The following MRPS22 variants were observed in gnomAD, a reference collection of about 807,000 sequenced individuals.
MRPS22 encodes the protein small ribosomal subunit protein mS22.
In MRPS22, 30 loss-of-function variants were observed where a neutral mutation model predicts 44.0. That is an observed-to-expected ratio of 0.68 (90% CI 0.51 to 0.93). The LOEUF (loss-of-function observed/expected upper bound fraction) is 0.93. Ranked by LOEUF, MRPS22 falls within the 40% of genes least tolerant of loss-of-function variation. The probability of loss-of-function intolerance (pLI) is 0.00; values close to 1 mark genes in which losing one functional copy is unlikely to be tolerated. For missense variants in MRPS22, 447 were observed against 447.8 expected (o/e 1.00, Z 0.02); for synonymous variants, 165 against 154.4 (o/e 1.07, Z -0.51).
rs1332055259 is a variant in MRPS22 at position 139,350,764 on chromosome 3, C to A, written c.649-213C>A. On this transcript the variant is annotated intron_variant, in intron 4 of 7. Transcript: ENST00000680020. ...TTCTTTCTTAATAGAATCCTCCTTA[C>A]CACCCAAGATGGGTTGTACTAGGGT... is the stretch of plus-strand genomic sequence containing the variant. 5.1e-6 allele frequency: 3 copies of A among 583,858 alleles called. No homozygotes were observed. In the Admixed American group the frequency reaches 8.1e-5, roughly 16 times the overall value. 36.2% of individuals were successfully genotyped at this position (583,858 alleles called of 1,614,324 possible). A position where few individuals can be genotyped will look rare whatever the true frequency, so the allele number is the denominator to read the frequency against.
rs753397253 is a variant in MRPS22 at position 139,348,342 on chromosome 3, CG to C, written c.504+19del. 2.5e-6 allele frequency: 4 copies of C among 1,611,058 alleles called. No individual in the cohort carries two copies. In the African/African-American group the frequency reaches 5.3e-5, roughly 22 times the overall value. ...CACACCGGGTGAGTATATGTCTAAT[CG>C]CAAAATGATCTTTCTTTGAAATACT... is the stretch of plus-strand genomic sequence containing the variant. On this transcript the variant is annotated intron_variant, in intron 3 of 7. Coordinates refer to ENST00000680020, the MANE Select transcript of MRPS22 (RefSeq NM_020191.4).
rs767431419 is a variant in MRPS22 at position 139,352,791 on chromosome 3, T to C, written c.877T>C (p.Leu293=). 119 of 1,612,882 alleles carry C rather than the reference T, an allele frequency of 7.4e-5. No homozygotes were observed. Among genetic ancestry groups the C allele is most frequent in the Non-Finnish European group, 9.8e-5 (115 of 1,179,340 alleles). The change falls in exon 6 of 8, where the codon TTA becomes CTA. Residue 293 remains leucine, a splice_region_variant and synonymous_variant. Coordinates refer to ENST00000680020, the MANE Select transcript of MRPS22 (RefSeq NM_020191.4). ...GCTGATTGACCAGATTCAGAGAGAT[T>C]TGTAAGTATGATCTTAGTAAGTGAA... is the stretch of plus-strand genomic sequence containing the variant. ...GLLIDQIQRD[L]IDDATNLVQL... is the part of the protein sequence containing the mutation.
intron 5 of MRPS22, 137 bp downstream of exon 5, chr3:139,351,197 A>G (rs968303544): frequency 2.5e-5 from 17 of 691,702 alleles, no homozygotes; most frequent in Non-Finnish European, 4.2e-5. Flanking sequence ...TATTGAGTAC[A>G]GTTGTGTGCC....
intron 1 of MRPS22, among the ~76,000 whole-genome samples, chr3:139,345,964 G>C (rs1941032711): frequency 6.6e-6 from 1 of 152,178 alleles, no homozygotes. Context: ...AGAATCTGTA[G>C]GGATACCAAC....
chr3:139,354,880 G>A (rs942334244), intron 6 of MRPS22, among the ~76,000 whole-genome samples: 2 of 152,290 alleles, frequency 1.3e-5, no homozygotes, highest in Non-Finnish European at 2.9e-5. Flanking sequence ...GCCCTCCAGC[G>A]ATGAGATGGC....
At chr3:139,352,411 G>A in intron 5 of MRPS22, 1 of 453,990 alleles carries the variant, frequency 2.2e-6, no homozygotes, top group Non-Finnish European at 4.1e-6. Flanking sequence ...TGGGATTATA[G>A]GCATGAGCCA....
Position 139,350,201 on chromosome 3 carries a change from A to T in MRPS22, c.527A>T (p.Glu176Val). The change falls in exon 4 of 8, where the codon GAA (glutamate) becomes GTA (valine). Residue 176 changes from glutamate (E) to valine (V), a missense_variant. By Grantham distance (121) the Glu-to-Val change is moderately radical. Transcript: ENST00000680020. ...PHRERFIVVR[E>V]PSGTLRKASW... ...TAGGAGCGTTTTATTGTCGTCAGAG[A>T]ACCAAGTGGCACACTACGCAAAGCC... The T allele has an allele frequency of 1.2e-6, 2 of 1,614,198 alleles. No homozygotes were observed. Among genetic ancestry groups the T allele is most frequent in the Non-Finnish European group, 1.7e-6 (2 of 1,180,018 alleles).
Position 139,344,074 on chromosome 3 carries a change from T to C in MRPS22, c.48T>C (p.Ser16=), listed in dbSNP as rs1940987662. The part of the protein sequence containing the change: ...TTVLLWSLLR[S]SPGVERVCFR... Reference sequence around the variant, plus strand: ...TATTGCTGTGGAGCCTCTTGAGGAGTTCTCCGGGCGTGGAACGGGTCTGTT... The same window carrying C: ...TATTGCTGTGGAGCCTCTTGAGGAGCTCTCCGGGCGTGGAACGGGTCTGTT... The change falls in exon 1 of 8, where the codon AGT becomes AGC. Residue 16 remains serine, a synonymous_variant. Coordinates refer to ENST00000680020, the MANE Select transcript of MRPS22 (RefSeq NM_020191.4). The C allele has an allele frequency of 6.2e-7, 1 of 1,614,014 alleles. No homozygotes were observed. The highest frequency in any genetic ancestry group is 8.5e-7 in the Non-Finnish European group (1 of 1,180,006).
intron 6 of MRPS22, among the ~76,000 whole-genome samples, chr3:139,354,026 A>G (rs949367783): frequency 1.3e-5 from 2 of 152,230 alleles, no homozygotes; most frequent in African/African-American, 2.4e-5. Context: ...TTACATCTGA[A>G]GCAATTCATG....
intron 6 of MRPS22, among the ~76,000 whole-genome samples, chr3:139,355,177 A>G (rs553749275): frequency 1.3e-3 from 191 of 152,170 alleles, no homozygotes; most frequent in Middle Eastern, 6.8e-3. Flanking sequence ...TTTCCTTGGA[A>G]TCTTAGGGGG....
chr3:139,345,904 A>G lies in MRPS22; in HGVS notation c.173-974A>G, dbSNP rs1240846946. ...AAGGTAATTGAAGTCGTGGCAGGAT[A>G]GGAGAAATCATCGAGTAAGAATCTG... On this transcript the variant is annotated intron_variant, in intron 1 of 7. Transcript: ENST00000680020. Among the ~76,000 whole-genome samples, 4 of 152,226 alleles carry G rather than the reference A, an allele frequency of 2.6e-5. No individual in the cohort carries two copies. The South Asian group carries it at 6.2e-4, about 24-fold the overall frequency.
Position 139,356,978 on chromosome 3 carries a change from T to C in MRPS22, c.1047T>C (p.Tyr349=), listed in dbSNP as rs751069177. 1.1e-5 allele frequency: 17 copies of C among 1,613,062 alleles called. No individual in the cohort carries two copies. The highest frequency in any genetic ancestry group is 8.8e-5 in the South Asian group (8 of 90,742). ...GAYIELTLQT[Y]QEALSRHSAA... is the part of the protein sequence containing the mutation. Reference sequence around the variant, plus strand: ...ATATAGAACTAACACTGCAGACTTATCAAGAAGCACTCAGTCGCCATTCTG... The same window carrying C: ...ATATAGAACTAACACTGCAGACTTACCAAGAAGCACTCAGTCGCCATTCTG... The change falls in exon 8 of 8, where the codon TAT becomes TAC. Residue 349 remains tyrosine, a synonymous_variant. Transcript: ENST00000680020.
intron 5 of MRPS22, 111 bp downstream of exon 5, chr3:139,351,171 GAAATACCTGA>G (rs1187129961): frequency 1.3e-6 from 1 of 782,458 alleles, no homozygotes; most frequent in Non-Finnish European, 2.2e-6. Context: ...AAAGGGAAGA[GAAATACCTGA>G]AAATCTATTG....
intron 3 of MRPS22, among the ~76,000 whole-genome samples, chr3:139,348,764 G>A (rs1461725453): frequency 6.6e-6 from 1 of 152,160 alleles, no homozygotes; most frequent in Middle Eastern, 3.2e-3. Context: ...CATCATAAAG[G>A]ATTTTCGCTT....
At chr3:139,350,508 A>T (rs1194319322) in intron 4 of MRPS22, 186 bp downstream of exon 4, 3 of 601,602 alleles carry the variant, frequency 5.0e-6, no homozygotes, top group African/African-American at 3.7e-5. Flanking sequence ...GCTCACTGCA[A>T]CCTCCACCTT....
chr3:139,350,337 G>C lies in MRPS22; in HGVS notation c.648+15G>C. On this transcript the variant is annotated intron_variant, in intron 4 of 7. Transcript: ENST00000680020. ...AAAATCTTAGGGTAAGGTGACTTAG[G>C]TTTTATGTTTTAGAGCCAGTGGTGA... 6.2e-7 allele frequency: 1 copy of C among 1,613,080 alleles called. No homozygotes were observed. The highest frequency in any genetic ancestry group is 8.5e-7 in the Non-Finnish European group (1 of 1,179,706).
intron 2 of MRPS22, 123 bp downstream of exon 2, chr3:139,347,167 C>A: frequency 8.7e-7 from 1 of 1,148,746 alleles, no homozygotes; most frequent in Non-Finnish European, 1.3e-6. Flanking sequence ...TAATACCAGG[C>A]ATAGAACTGA....
rs145122320 is a variant in MRPS22 at position 139,351,367 on chromosome 3, G to T, written c.732+307G>T. The stretch of plus-strand genomic sequence containing the variant: ...ATTCTCTTTTCAGTTTACCGTATAG[G>T]AATCAAATTATTTACTAAAATTTTG... On this transcript the variant is annotated intron_variant, in intron 5 of 7. Coordinates refer to ENST00000680020, the MANE Select transcript of MRPS22 (RefSeq NM_020191.4). The T allele has an allele frequency of 4.9e-4, 186 of 378,814 alleles. No homozygotes were observed. In the East Asian group the frequency reaches 9.8e-3, roughly 20 times the overall value. 23.5% of individuals were successfully genotyped at this position (378,814 alleles called of 1,614,324 possible).
At chr3:139,344,477 G>A (rs1314734983) in intron 1 of MRPS22, 3 of 611,250 alleles carry the variant, frequency 4.9e-6, no homozygotes, top group Non-Finnish European at 8.8e-6. Context: ...ATTTCCCTGT[G>A]GGAACTCATG....
Sources: gnomAD v4.1 joint callset for allele counts (sites outside exome capture counted in the v4.1 genomes callset) on GRCh38, gnomAD v4.1.1 for gene constraint, MANE v1.5 for transcripts, NCBI Gene and HGNC (gene_info 2026-07-23, HGNC 2026-07-21) for gene names.